The following HDAC4 variants were observed in gnomAD, a reference collection of about 807,000 sequenced individuals.
The protein encoded by HDAC4 is histone deacetylase A.
In HDAC4, 16 loss-of-function variants were observed where a neutral mutation model predicts 135.1. The observed-to-expected ratio is 0.12, with a 90% CI of 0.08 to 0.18. The LOEUF is 0.18. Among genes scored for constraint, HDAC4 ranks in the 10% least tolerant of loss-of-function variants. The pLI is 1.00. For missense variants in HDAC4, 1,143 were observed against 1,511.8 expected (o/e 0.76, Z 4.05); for synonymous variants, 685 against 653.4 (o/e 1.05, Z -0.74).
rs376828118 is a variant in HDAC4, at chr2:239,146,425, G to C, written c.734-1711C>G. On this transcript the variant is annotated intron_variant, in intron 7 of 26. Coordinates refer to ENST00000543185, the MANE Select transcript of HDAC4 (RefSeq NM_001378414.1). This position sits in a 1 kb window ranked among gnomAD's most constrained non-coding sequence, Gnocchi z 4.5. Reference sequence around the variant, plus strand: ...AAGAGCACAGGGTCCCTGGCCCTGTGTGAAAGGTCTTCCTCAGTGGCTGCC... The same window carrying C: ...AAGAGCACAGGGTCCCTGGCCCTGTCTGAAAGGTCTTCCTCAGTGGCTGCC... Among the ~76,000 whole-genome samples, 2 of 152,188 alleles carry C rather than the reference G, an allele frequency of 1.3e-5. No individual in the cohort carries two copies. Among genetic ancestry groups the C allele is most frequent in the South Asian group, 4.1e-4 (2 of 4,832 alleles).
chr2:239,371,880 T>C (rs574810881), intron 1 of HDAC4, among the ~76,000 whole-genome samples: 79 of 152,348 alleles, frequency 5.2e-4, no homozygotes, highest in African/African-American at 1.7e-3. Context: ...AGCACAGGCA[T>C]GGACCCAAAA....
chr2:239,236,565 C>T (rs775985925), intron 3 of HDAC4, 28 bp downstream of exon 3: 21 of 1,542,616 alleles, frequency 1.4e-5, no homozygotes, highest in Admixed American at 5.9e-5. Context: ...CAGGGCCGGC[C>T]GGACAGGGCA....
intron 2 of HDAC4, among the ~76,000 whole-genome samples, chr2:239,339,885 C>T (rs577541152): frequency 3.3e-5 from 5 of 152,290 alleles, no homozygotes; most frequent in Non-Finnish European, 7.4e-5. Context: ...AAGGAAACCG[C>T]AGCCAAGAAC....
rs147819113 is a variant in HDAC4 at position 239,358,549 on chromosome 2, A to C, written c.-219-5631T>G. On this transcript the variant is annotated intron_variant, in intron 1 of 26. Coordinates refer to ENST00000543185, the MANE Select transcript of HDAC4 (RefSeq NM_001378414.1). ...GACCCAATCTAGTGCTAGGTGTGCT[A>C]ACTGCTGCTGGGCGACAGAGCACGC... 2.7e-3 allele frequency among the ~76,000 whole-genome samples: 415 copies of C among 152,306 alleles called. 1 individual carries two copies. Among genetic ancestry groups the C allele is most frequent in the African/African-American group, 9.2e-3 (383 of 41,562 alleles).
At chr2:239,296,931 C>A (rs370085486) in intron 2 of HDAC4, among the ~76,000 whole-genome samples, 1 of 151,756 alleles carries the variant, frequency 6.6e-6, no homozygotes, top group Non-Finnish European at 1.5e-5. Flanking sequence ...TTTGATTGTC[C>A]CCGCCAAAGA....
intron 1 of HDAC4, among the ~76,000 whole-genome samples, chr2:239,387,826 C>T (rs74798187): frequency 1.3e-5 from 2 of 152,168 alleles, no homozygotes; most frequent in East Asian, 3.9e-4. Context: ...CTGGAGGAGC[C>T]GCGCCTCCTG....
intron 11 of HDAC4, among the ~76,000 whole-genome samples, chr2:239,127,356 C>T (rs2152854795): frequency 1.3e-5 from 2 of 152,292 alleles, no homozygotes; most frequent in Middle Eastern, 3.4e-3. Flanking sequence ...TTAAAAGAAT[C>T]CATTTTGATA....
At chr2:239,203,043 T>C (rs541417) in intron 3 of HDAC4, among the ~76,000 whole-genome samples, 90,520 of 152,060 alleles carry the variant, frequency 0.6, 27,277 homozygotes, top group South Asian at 0.73. Context: ...CAGCGCTGAG[T>C]GGAGCCTCAG....
chr2:239,165,243 C>G (rs73002047), intron 5 of HDAC4, among the ~76,000 whole-genome samples: 1 of 151,988 alleles, frequency 6.6e-6, no homozygotes, highest in African/African-American at 2.4e-5. Flanking sequence ...AAAAGAAAAA[C>G]GAAACTTCTC....
At chr2:239,069,997 C>T (rs368356041) in intron 22 of HDAC4, among the ~76,000 whole-genome samples, 24 of 151,940 alleles carry the variant, frequency 1.6e-4, no homozygotes, top group East Asian at 5.8e-4. Flanking sequence ...GGCCCTGTCC[C>T]GTCCTCTCTG....
intron 2 of HDAC4, among the ~76,000 whole-genome samples, chr2:239,294,243 A>AG (rs2051710983): frequency 1.3e-5 from 2 of 151,958 alleles, no homozygotes; most frequent in African/African-American, 4.8e-5. Flanking sequence ...ATCACCAGGC[A>AG]GGGGCAGCCC....
rs1575079712 is a variant in HDAC4, at chr2:239,115,381, T to G, written c.1534-71A>C. The G allele has an allele frequency of 6.3e-7, 1 of 1,589,074 alleles. No homozygotes were observed. Among genetic ancestry groups the G allele is most frequent in the Non-Finnish European group, 8.6e-7 (1 of 1,161,640 alleles). On this transcript the variant is annotated intron_variant, in intron 12 of 26. Transcript: ENST00000543185. This position sits in a 1 kb window ranked among gnomAD's most constrained non-coding sequence, Gnocchi z 6.3. ...TGAGCTCATCTGACAGGAGAAGGGA[T>G]GCTGCAAACCCCACCCTCTGGGGCA...
chr2:239,096,562 A>C (rs2037089133), intron 16 of HDAC4, among the ~76,000 whole-genome samples: 1 of 57,060 alleles, frequency 1.8e-5, no homozygotes, highest in Non-Finnish European at 3.2e-5. Context: ...CCCCCCACAG[A>C]CGCCTACACC....
intron 3 of HDAC4, among the ~76,000 whole-genome samples, chr2:239,201,264 C>A (rs2045738435): frequency 6.6e-6 from 1 of 151,610 alleles, no homozygotes; most frequent in African/African-American, 2.4e-5. Flanking sequence ...GGGGAGCTCA[C>A]AGGTCACCCA....
intron 24 of HDAC4, among the ~76,000 whole-genome samples, chr2:239,063,483 C>T (rs1468602588): frequency 3.3e-5 from 5 of 152,188 alleles, no homozygotes; most frequent in Admixed American, 6.5e-5. Flanking sequence ...GGATTACAGG[C>T]GTGAGCCACT....
At chr2:239,122,985 C>G (rs1288617867) in intron 12 of HDAC4, among the ~76,000 whole-genome samples, 2 of 152,026 alleles carry the variant, frequency 1.3e-5, no homozygotes, top group Non-Finnish European at 2.9e-5. Context: ...GTTAGGCGGC[C>G]CTGGGCAAGA....
chr2:239,287,683 G>A (rs1399327793), intron 2 of HDAC4, among the ~76,000 whole-genome samples: 1 of 152,108 alleles, frequency 6.6e-6, no homozygotes, highest in East Asian at 1.9e-4. Flanking sequence ...TTAAAACACA[G>A]AAAGCTGACT....
chr2:239,159,801 C>T lies in HDAC4; in HGVS notation c.612-3028G>A, dbSNP rs372055274. On this transcript the variant is annotated intron_variant, in intron 6 of 26. Coordinates refer to ENST00000543185, the MANE Select transcript of HDAC4 (RefSeq NM_001378414.1). ...CCTCACCTGACCATAAATTATCTTCCGATTTTTCAACCTTTCATTTCCTGC... is the reference window on the plus strand; with the variant it reads ...CCTCACCTGACCATAAATTATCTTCTGATTTTTCAACCTTTCATTTCCTGC... Among the ~76,000 whole-genome samples, 17 of 152,358 alleles carry T rather than the reference C, an allele frequency of 1.1e-4. No homozygotes were observed. In the East Asian group the frequency reaches 2.1e-3, roughly 19 times the overall value.
chr2:239,082,755 G>A (rs2035466590), intron 20 of HDAC4, among the ~76,000 whole-genome samples: 1 of 152,242 alleles, frequency 6.6e-6, no homozygotes, highest in African/African-American at 2.4e-5. Context: ...CGGGGTCCAG[G>A]CCCCTGTGCC....
Sources: gnomAD v4.1 joint callset for allele counts (sites outside exome capture counted in the v4.1 genomes callset) on GRCh38, gnomAD v4.1.1 for gene constraint, Gnocchi (gnomAD v3.1) non-coding constraint, MANE v1.5 for transcripts, NCBI Gene and HGNC (gene_info 2026-07-23, HGNC 2026-07-21) for gene names.